The following PAPSS1 variants were observed in gnomAD, a reference collection of about 807,000 sequenced individuals.
PAPSS1 encodes the protein 3'-phosphoadenosine 5'-phosphosulfate synthase 1, also known as bifunctional 3'-phosphoadenosine 5'-phosphosulfate synthase 1.
A neutral mutation model predicts 72.0 loss-of-function variants in PAPSS1; 50 were observed. That is an observed-to-expected ratio of 0.69 (90% confidence interval 0.55 to 0.88). The LOEUF is 0.88. PAPSS1 is among the 40% of genes least tolerant of loss of function. The pLI is 0.00. For synonymous variants in PAPSS1, 261 were observed against 263.6 expected (o/e 0.99, Z 0.09); for missense variants, 657 against 782.2 (o/e 0.84, Z 1.91).
chr4:107,687,411 A>G (rs1168928627), intron 3 of PAPSS1, among the ~76,000 whole-genome samples: 2 of 152,182 alleles, frequency 1.3e-5, no homozygotes, highest in African/African-American at 4.8e-5. Context: ...GAGGTACAGA[A>G]GGAAAACAAT....
intron 10 of PAPSS1, among the ~76,000 whole-genome samples, chr4:107,639,205 T>C (rs139184857): frequency 1.3e-5 from 2 of 152,288 alleles, no homozygotes; most frequent in East Asian, 3.9e-4. Flanking sequence ...AAGCAACCTA[T>C]AAACACCTGC....
intron 5 of PAPSS1, among the ~76,000 whole-genome samples, chr4:107,681,441 C>A (rs1054311781): frequency 6.6e-6 from 1 of 152,200 alleles, no homozygotes; most frequent in South Asian, 2.1e-4. Flanking sequence ...TCTAAAAACC[C>A]AGACTAAAGT....
intron 11 of PAPSS1, among the ~76,000 whole-genome samples, chr4:107,630,141 C>A (rs1296388020): frequency 6.6e-6 from 1 of 152,234 alleles, no homozygotes; most frequent in African/African-American, 2.4e-5. Context: ...ATACCCTCAT[C>A]CTTCAGGAAT....
intron 5 of PAPSS1, among the ~76,000 whole-genome samples, chr4:107,665,180 T>C (rs1362552029): frequency 6.6e-6 from 1 of 152,202 alleles, no homozygotes; most frequent in African/African-American, 2.4e-5. Flanking sequence ...ATACACAGAT[T>C]CTATGTGTAA....
At chr4:107,616,696 A>G (rs551586055) in intron 11 of PAPSS1, among the ~76,000 whole-genome samples, 1 of 152,332 alleles carries the variant, frequency 6.6e-6, no homozygotes, top group East Asian at 1.9e-4. Flanking sequence ...TTTTTGAAAG[A>G]TATTTATTCA....
In PAPSS1 at chr4:107,686,050, G is replaced by A. The variant is rs555717596; in HGVS notation, c.550+989C>T. Among the ~76,000 whole-genome samples, 5 of 152,210 alleles carry A rather than the reference G, an allele frequency of 3.3e-5. No individual in the cohort carries two copies. In the South Asian group the frequency reaches 1.0e-3, roughly 32 times the overall value. ...GTCCTTTGTTTCTGTTAACAATAAT[G>A]GAACAGGACAAGTCAAGGGATGTCT... On this transcript the variant is annotated intron_variant, in intron 4 of 11. Coordinates refer to ENST00000265174, the MANE Select transcript of PAPSS1 (RefSeq NM_005443.5).
intron 10 of PAPSS1, among the ~76,000 whole-genome samples, chr4:107,643,510 T>C (rs1726611443): frequency 6.6e-6 from 1 of 152,162 alleles, no homozygotes; most frequent in African/African-American, 2.4e-5. Flanking sequence ...TCCCTTCCTT[T>C]CTCTTCCCTT....
At chr4:107,685,931 C>CT (rs1289565345) in intron 4 of PAPSS1, among the ~76,000 whole-genome samples, 2 of 152,204 alleles carry the variant, frequency 1.3e-5, no homozygotes, top group African/African-American at 4.8e-5. Flanking sequence ...TAAAAGTTAC[C>CT]TGCATGACTC....
intron 11 of PAPSS1, among the ~76,000 whole-genome samples, chr4:107,623,468 C>T (rs886408572): frequency 2.0e-5 from 3 of 152,174 alleles, no homozygotes; most frequent in African/African-American, 4.8e-5. Flanking sequence ...TTAAGAACCA[C>T]AAAAAACTAA....
At chr4:107,692,486 T>G (rs892129928) in intron 3 of PAPSS1, among the ~76,000 whole-genome samples, 2 of 152,032 alleles carry the variant, frequency 1.3e-5, no homozygotes, top group Non-Finnish European at 2.9e-5. Flanking sequence ...CAGGAAACAA[T>G]AGATGCTGGT....
chr4:107,682,148 A>G lies in PAPSS1; in HGVS notation c.551-15T>C, dbSNP rs766327119. On this transcript the variant is annotated splice_polypyrimidine_tract_variant and intron_variant, in intron 4 of 11. Transcript: ENST00000265174. ...CCCAGTGAAACCTGCAAAAGGTAAC[A>G]GATAATAGAGTAGGGTGGAAAATAA... 1 of 1,201,782 alleles carries G rather than the reference A, an allele frequency of 8.3e-7. No individual in the cohort carries two copies. The highest frequency in any genetic ancestry group is 1.3e-5 in the South Asian group (1 of 79,564). 74.4% of individuals were successfully genotyped at this position (1,201,782 alleles called of 1,614,324 possible). A position where few individuals can be genotyped will look rare whatever the true frequency, so the allele number is the denominator to read the frequency against.
rs975232366 is a variant in PAPSS1 at position 107,653,305 on chromosome 4, T to C, written c.1237+186A>G. On this transcript the variant is annotated intron_variant, in intron 9 of 11. Coordinates refer to ENST00000265174, the MANE Select transcript of PAPSS1 (RefSeq NM_005443.5). ...AGCTTCCAGAGTATTCAAAATAATG[T>C]CAAATCAAATTATACCAATATAATG... Among the ~76,000 whole-genome samples the C allele has an allele frequency of 2.0e-5, 3 of 152,146 alleles. No individual in the cohort carries two copies. In the South Asian group the frequency reaches 6.2e-4, roughly 32 times the overall value.
intron 5 of PAPSS1, among the ~76,000 whole-genome samples, chr4:107,670,525 T>C (rs72673600): frequency 6.6e-6 from 1 of 152,298 alleles, no homozygotes; most frequent in Non-Finnish European, 1.5e-5. Context: ...TTGATTTTTA[T>C]TGATGCATTT....
At chr4:107,679,166 G>A (rs960019410) in intron 5 of PAPSS1, among the ~76,000 whole-genome samples, 2 of 152,012 alleles carry the variant, frequency 1.3e-5, no homozygotes, top group African/African-American at 2.4e-5. Context: ...ACTGAAGGTG[G>A]GCCAGGAAAC....
At chr4:107,679,316 C>A (rs1727740301) in intron 5 of PAPSS1, among the ~76,000 whole-genome samples, 1 of 152,064 alleles carries the variant, frequency 6.6e-6, no homozygotes, top group Non-Finnish European at 1.5e-5. Context: ...AGCAGGAACA[C>A]TAAGAAAAAC....
chr4:107,657,727 A>G (rs933176417), intron 6 of PAPSS1, among the ~76,000 whole-genome samples: 14 of 150,518 alleles, frequency 9.3e-5, no homozygotes, highest in African/African-American at 2.9e-4. Context: ...CCTGGGCAGT[A>G]GAGTGAGACC....
intron 11 of PAPSS1, among the ~76,000 whole-genome samples, chr4:107,614,642 T>C (rs1725774007): frequency 6.6e-6 from 1 of 152,176 alleles, no homozygotes; most frequent in Admixed American, 6.5e-5. Context: ...CATGAAATTG[T>C]AAGAAATAAT....
At chr4:107,704,796 C>T (rs1161358816) in intron 1 of PAPSS1, among the ~76,000 whole-genome samples, 1 of 151,998 alleles carries the variant, frequency 6.6e-6, no homozygotes, top group East Asian at 1.9e-4. Flanking sequence ...ACTAAAAATA[C>T]AAAAATTAGC....
chr4:107,635,777 C>A (rs1472340287), intron 10 of PAPSS1, among the ~76,000 whole-genome samples: 1 of 152,090 alleles, frequency 6.6e-6, no homozygotes, highest in Non-Finnish European at 1.5e-5. Flanking sequence ...ATGCTGGGAC[C>A]ATGAAACTAA....
Sources: gnomAD v4.1 joint callset for allele counts (sites outside exome capture counted in the v4.1 genomes callset) on GRCh38, gnomAD v4.1.1 for gene constraint, MANE v1.5 for transcripts, NCBI Gene and HGNC (gene_info 2026-07-23, HGNC 2026-07-21) for gene names.